SKA2: variants seen among roughly 807,000 people sequenced by gnomAD.
SKA2 encodes spindle and kinetochore-associated protein 2.
In SKA2, 13 loss-of-function variants were observed where a neutral mutation model predicts 16.9. That is an observed-to-expected ratio of 0.77 (90% CI 0.50 to 1.22). The LOEUF (loss-of-function observed/expected upper bound fraction) is 1.22, where lower values mean the gene tolerates loss of function less well. Ranked by LOEUF, SKA2 falls within the 50% of genes most tolerant of loss-of-function variation. The probability of loss-of-function intolerance (pLI) is 0.00; values close to 1 mark genes in which losing one functional copy is unlikely to be tolerated. For missense variants in SKA2, 107 were observed against 139.7 expected, an observed-to-expected ratio of 0.77 and a Z score of 1.18; for synonymous variants, 47 against 48.5, an observed-to-expected ratio of 0.97 and a Z score of 0.13.
chr17:59,137,307 C>G (rs2046453400), intron 1 of SKA2, among the ~76,000 whole-genome samples: 1 of 152,200 alleles, frequency 6.6e-6, no homozygotes, highest in Non-Finnish European at 1.5e-5. Context: ...TGTCAGCCAC[C>G]ACACCCATCC....
chr17:59,140,014 A>G (rs1183454767), intron 1 of SKA2, among the ~76,000 whole-genome samples: 2 of 152,216 alleles, frequency 1.3e-5, no homozygotes, highest in Non-Finnish European at 2.9e-5. Context: ...ATGTCTCCAC[A>G]ATCAAAATTG....
chr17:59,132,360 A>AC (rs1451998549), intron 1 of SKA2, among the ~76,000 whole-genome samples: 1 of 87,326 alleles, frequency 1.1e-5, no homozygotes, highest in African/African-American at 4.0e-5. Context: ...CCGTCTCCAC[A>AC]AAAAAAAAAA....
rs553381167 is a variant in SKA2, at chr17:59,112,104, C to T, written c.*173G>A. The T allele has an allele frequency of 6.5e-5, 38 of 587,894 alleles. 1 individual carries two copies. The Admixed American group carries it at 9.5e-4, about 15-fold the overall frequency. The allele number at this position is 587,894 out of a possible 1,614,324, so 36.4% of individuals were successfully genotyped here. A position where few individuals can be genotyped will look rare whatever the true frequency, so the allele number is the denominator to read the frequency against. ...TGGCTGAACTTTATTCATATATTAT[C>T]TGCCCTTCTTCTTATAATCTCTCTC... On this transcript the variant is annotated 3_prime_UTR_variant, in exon 4 of 4. Transcript: ENST00000330137.
At position 59,131,248 on chromosome 17, in the gene SKA2, A is replaced by G. The variant is rs766793348; in HGVS notation, c.120+33T>C. ...ATTCTAAAGTATTCAGTTAAGGCTG[A>G]TTTTTTTTAAGCTTATTTATTTCGG... On this transcript the variant is annotated intron_variant, in intron 2 of 3. Transcript: ENST00000330137. 6.0e-6 allele frequency: 9 copies of G among 1,496,854 alleles called. No homozygotes were observed. The African/African-American group carries it at 8.3e-5, about 14-fold the overall frequency. The allele number at this position is 1,496,854 out of a possible 1,614,324, so 92.7% of individuals were successfully genotyped here. A position where few individuals can be genotyped will look rare whatever the true frequency, so the allele number is the denominator to read the frequency against.
intron 1 of SKA2, among the ~76,000 whole-genome samples, chr17:59,132,534 T>C (rs2046418531): frequency 1.3e-5 from 2 of 152,210 alleles, no homozygotes; most frequent in African/African-American, 2.4e-5. Flanking sequence ...GATAGTGGCA[T>C]GTGCCTGTGG....
intron 2 of SKA2, among the ~76,000 whole-genome samples, chr17:59,126,119 C>G (rs1198213383): frequency 6.6e-6 from 1 of 151,746 alleles, no homozygotes; most frequent in Non-Finnish European, 1.5e-5. Context: ...TGCAGTGAGC[C>G]GAGATCGCGC....
At chr17:59,126,449 G>T (rs2078965215) in intron 2 of SKA2, among the ~76,000 whole-genome samples, 1 of 152,082 alleles carries the variant, frequency 6.6e-6, no homozygotes, top group Non-Finnish European at 1.5e-5. Flanking sequence ...CACCACAGTG[G>T]CTGGCACATA....
chr17:59,148,967 A>G (rs931151399), intron 1 of SKA2, among the ~76,000 whole-genome samples: 1 of 152,282 alleles, frequency 6.6e-6, no homozygotes, highest in Middle Eastern at 3.4e-3. Flanking sequence ...ACCACCACAT[A>G]ACTGTTAGAA....
chr17:59,112,656 T>G (rs937493645), intron 3 of SKA2, among the ~76,000 whole-genome samples: 2 of 152,198 alleles, frequency 1.3e-5, no homozygotes, highest in Admixed American at 1.3e-4. Flanking sequence ...CAGTCAACCC[T>G]CAGTATCTGT....
intron 1 of SKA2, among the ~76,000 whole-genome samples, chr17:59,152,076 G>A (rs984314717): frequency 2.6e-5 from 4 of 152,150 alleles, no homozygotes; most frequent in Non-Finnish European, 5.9e-5. Context: ...TCAGAAGTCA[G>A]ATGTAAACCC....
At chr17:59,129,221 T>C (rs1419657178) in intron 2 of SKA2, 2 of 152,174 alleles carry the variant, frequency 1.3e-5, no homozygotes, top group Admixed American at 1.3e-4. Context: ...TGGTGGTGTG[T>C]GCCTATAGTT....
At chr17:59,113,545 C>G (rs1009903673) in intron 3 of SKA2, among the ~76,000 whole-genome samples, 1 of 149,208 alleles carries the variant, frequency 6.7e-6, no homozygotes, top group African/African-American at 2.5e-5. Flanking sequence ...AGAAAGAGGC[C>G]GGGCACAGTG....
intron 1 of SKA2, among the ~76,000 whole-genome samples, chr17:59,148,176 T>A (rs1213867338): frequency 6.6e-6 from 1 of 152,030 alleles, no homozygotes. Flanking sequence ...TAAAAAATTA[T>A]AAGCAGACCT....
intron 2 of SKA2, among the ~76,000 whole-genome samples, chr17:59,122,200 A>G (rs1245125765): frequency 6.6e-6 from 1 of 152,058 alleles, no homozygotes; most frequent in African/African-American, 2.4e-5. Flanking sequence ...AGGCTGGGCC[A>G]TGGTGGCTCA....
At chr17:59,151,692 G>T (rs1599682491) in intron 1 of SKA2, 1 of 164,774 alleles carries the variant, frequency 6.1e-6, no homozygotes, top group South Asian at 1.6e-4. Flanking sequence ...AAAATAATAA[G>T]TTTCTCAATC....
At chr17:59,131,453 G>T in intron 1 of SKA2, 86 bp from the exon 2 acceptor site, 4 of 866,956 alleles carry the variant, frequency 4.6e-6, no homozygotes, top group Non-Finnish European at 6.7e-6. Context: ...CTTTACATTT[G>T]TTAGTATTTC....
chr17:59,117,529 C>A (rs986785856), intron 3 of SKA2, among the ~76,000 whole-genome samples: 17 of 152,096 alleles, frequency 1.1e-4, no homozygotes, highest in Non-Finnish European at 1.6e-4. Context: ...GTTGGAACTA[C>A]CAGCATGCAC....
chr17:59,136,249 A>G (rs1396528065), intron 1 of SKA2, among the ~76,000 whole-genome samples: 1 of 151,328 alleles, frequency 6.6e-6, no homozygotes, highest in Non-Finnish European at 1.5e-5. Flanking sequence ...TGCAACCTCT[A>G]CCTCCCAGGT....
At chr17:59,155,013 T>C in intron 1 of SKA2, 118 bp downstream of exon 1, 2 of 1,613,970 alleles carry the variant, frequency 1.2e-6, no homozygotes, top group South Asian at 1.1e-5. Flanking sequence ...AGGAGGGAAC[T>C]CGACTCTGGT....
Sources: gnomAD v4.1 joint callset for allele counts (sites outside exome capture counted in the v4.1 genomes callset) on GRCh38, gnomAD v4.1.1 for gene constraint, MANE v1.5 for transcripts, NCBI Gene and HGNC (gene_info 2026-07-23, HGNC 2026-07-21) for gene names.